DCBLD2: variants seen among roughly 807,000 people sequenced by gnomAD.
DCBLD2 encodes discoidin, CUB and LCCL domain containing 2.
A neutral mutation model predicts 86.8 loss-of-function variants in DCBLD2; 54 were observed. The observed-to-expected ratio is 0.62, with a 90% CI of 0.50 to 0.78. The LOEUF (loss-of-function observed/expected upper bound fraction) is 0.78, where lower values mean the gene tolerates loss of function less well. Ranked by LOEUF, DCBLD2 falls within the 30% of genes least tolerant of loss-of-function variation. The probability of loss-of-function intolerance (pLI) is 0.00; values close to 1 mark genes in which losing one functional copy is unlikely to be tolerated. For missense variants in DCBLD2, 908 were observed against 954.2 expected (o/e 0.95, Z 0.64); for synonymous variants, 354 against 341.3 (o/e 1.04, Z -0.41).
At position 98,825,031 on chromosome 3, in the gene DCBLD2, A is replaced by G. The variant is rs188318226; in HGVS notation, c.623+284T>C. 2.9e-4 allele frequency among the ~76,000 whole-genome samples: 44 copies of G among 152,290 alleles called. 1 individual carries two copies. Among genetic ancestry groups the G allele is most frequent in the East Asian group, 1.4e-3 (7 of 5,180 alleles). ...GATAAATACCTTTTCAACTTTTACT[A>G]GGAGTTTTGCTAGATTTTGAAAAGC... On this transcript the variant is annotated intron_variant, in intron 4 of 15. Transcript: ENST00000326840.
At chr3:98,845,543 T>C (rs1337792296) in intron 3 of DCBLD2, among the ~76,000 whole-genome samples, 3 of 152,172 alleles carry the variant, frequency 2.0e-5, no homozygotes, top group Admixed American at 6.6e-5. Flanking sequence ...TTAACGGGCC[T>C]CTCTACATTT....
intron 2 of DCBLD2, among the ~76,000 whole-genome samples, chr3:98,871,385 GT>G (rs1299583005): frequency 4.6e-5 from 7 of 152,050 alleles, no homozygotes; most frequent in African/African-American, 1.7e-4. Context: ...AATGCTTTCA[GT>G]TTTTCCTCAT....
intron 2 of DCBLD2, among the ~76,000 whole-genome samples, chr3:98,869,027 T>C (rs1275995600): frequency 6.6e-6 from 1 of 152,206 alleles, no homozygotes; most frequent in Non-Finnish European, 1.5e-5. Context: ...GTTAGTTCTT[T>C]GATAAATTTC....
intron 9 of DCBLD2, 44 bp from the exon 10 acceptor site, chr3:98,812,526 G>A: frequency 1.3e-6 from 2 of 1,556,692 alleles, no homozygotes; most frequent in Non-Finnish European, 1.8e-6. Context: ...ATCAATAGAG[G>A]TCAGGGCTAA....
At chr3:98,825,456 A>G in intron 3 of DCBLD2, 90 bp from the exon 4 acceptor site, 2 of 1,026,266 alleles carry the variant, frequency 1.9e-6, no homozygotes, top group Non-Finnish European at 2.8e-6. Context: ...AAACTGTACT[A>G]CTCTAATTTT....
chr3:98,843,884 C>T (rs1366733768), intron 3 of DCBLD2, among the ~76,000 whole-genome samples: 3 of 152,030 alleles, frequency 2.0e-5, no homozygotes, highest in Non-Finnish European at 2.9e-5. Flanking sequence ...CTATTTCTCC[C>T]GTCCAAAATA....
At chr3:98,836,224 T>C (rs1201841850) in intron 3 of DCBLD2, among the ~76,000 whole-genome samples, 1 of 144,518 alleles carries the variant, frequency 6.9e-6, no homozygotes, top group African/African-American at 2.6e-5. Context: ...GGTTCTGCAC[T>C]GCCTGTTGTC....
intron 1 of DCBLD2, 115 bp from the exon 2 acceptor site, chr3:98,881,882 A>T: frequency 2.0e-6 from 2 of 1,008,888 alleles, no homozygotes; most frequent in East Asian, 5.2e-5. Flanking sequence ...TATACCACCC[A>T]TACTTTCTAT....
chr3:98,818,489 C>G (rs142282891), intron 8 of DCBLD2, among the ~76,000 whole-genome samples: 249 of 152,182 alleles, frequency 1.6e-3, no homozygotes, highest in Admixed American at 6.5e-3. Flanking sequence ...AAAGCTATTA[C>G]GAATTAAATA....
At position 98,799,688 on chromosome 3, in the gene DCBLD2, G is replaced by A; in HGVS notation, c.2012C>T (p.Pro671Leu). 3 of 1,613,978 alleles carry A rather than the reference G, an allele frequency of 1.9e-6. No individual in the cohort carries two copies. The highest frequency in any genetic ancestry group is 2.5e-6 in the Non-Finnish European group (3 of 1,179,878). The change falls in exon 16 of 16, where the codon CCA (proline) becomes CTA (leucine). Residue 671 changes from proline to leucine, a missense_variant. By Grantham distance (98) the Pro-to-Leu change is moderately conservative. Transcript: ENST00000326840. ...EVYHAYAEPL[P>L]ITGPEYATPI... ...GGTTGCATACTCAGGCCCCGTAATT[G>A]GGAGTGGTTCAGCATAGGCATGATA...
chr3:98,895,917 A>G (rs1943743526), intron 1 of DCBLD2, among the ~76,000 whole-genome samples: 1 of 152,220 alleles, frequency 6.6e-6, no homozygotes, highest in Non-Finnish European at 1.5e-5. Context: ...TCATACTGAT[A>G]GTTCTTAATG....
intron 1 of DCBLD2, among the ~76,000 whole-genome samples, chr3:98,896,362 G>T (rs993038595): frequency 2.0e-5 from 3 of 152,164 alleles, no homozygotes; most frequent in Admixed American, 6.5e-5. Context: ...CTTTCTCAAA[G>T]ATTTTTCTCC....
intron 3 of DCBLD2, 102 bp downstream of exon 3, chr3:98,849,359 T>A (rs759207529): frequency 4.9e-6 from 7 of 1,433,262 alleles, no homozygotes. Flanking sequence ...TCAGTCTTTC[T>A]GCTCTATTCC....
chr3:98,881,656 T>C lies in DCBLD2; in HGVS notation c.317A>G (p.Lys106Arg). Residue 106 changes from lysine (K) to arginine (R), a missense_variant, in exon 2 of 16, where the codon AAG becomes AGG. Around this residue, in one of 3 missense-constraint regions of DCBLD2, gnomAD observed 294 missense variants for 256.0 expected, o/e 1.15. Transcript: ENST00000326840. ...TTTGATGCGAACTCTCTCTCCCATC[T>C]TTACACGGATCTCCCATTCACAAAC... The part of the protein sequence containing the change: ...STVCEWEIRV[K>R]MGERVRIKFG... 1 of 1,613,962 alleles carries C rather than the reference T, an allele frequency of 6.2e-7. No homozygotes were observed. Among genetic ancestry groups the C allele is most frequent in the Non-Finnish European group, 8.5e-7 (1 of 1,179,866 alleles).
intron 1 of DCBLD2, among the ~76,000 whole-genome samples, chr3:98,896,220 G>A (rs1177882179): frequency 6.6e-6 from 1 of 152,146 alleles, no homozygotes; most frequent in African/African-American, 2.4e-5. Flanking sequence ...TACTGCACTG[G>A]CACTCATTAG....
In DCBLD2 at chr3:98,811,320, CT is replaced by C; in HGVS notation, c.1451-2del. ...GGTTGCGTAAATTTTGGGGCACGAC[CT>C]TTAAAAAAGTTTCAAAAGCTCTTTA... On this transcript the variant is annotated splice_acceptor_variant, in intron 11 of 15. Coordinates refer to ENST00000326840, the MANE Select transcript of DCBLD2 (RefSeq NM_080927.4). LOFTEE classifies it high-confidence loss of function. The C allele has an allele frequency of 6.2e-7, 1 of 1,610,192 alleles. No homozygotes were observed. Among genetic ancestry groups the C allele is most frequent in the South Asian group, 1.1e-5 (1 of 90,258 alleles).
intron 2 of DCBLD2, among the ~76,000 whole-genome samples, chr3:98,872,241 T>C (rs1179361520): frequency 2.0e-5 from 3 of 152,162 alleles, no homozygotes; most frequent in Non-Finnish European, 4.4e-5. Context: ...TGGGAGTTGT[T>C]TGGGTCATGG....
chr3:98,900,066 G>T (rs1269886701), intron 1 of DCBLD2, among the ~76,000 whole-genome samples: 1 of 152,180 alleles, frequency 6.6e-6, no homozygotes, highest in Non-Finnish European at 1.5e-5. Context: ...TAAGGGGTCA[G>T]TTTGCCAAAT....
chr3:98,858,311 A>G (rs1486571417), intron 2 of DCBLD2, among the ~76,000 whole-genome samples: 1 of 152,174 alleles, frequency 6.6e-6, no homozygotes, highest in Non-Finnish European at 1.5e-5. Context: ...CTCTCCCTCC[A>G]CACCTACCCG....
Sources: gnomAD v4.1 joint callset for allele counts (sites outside exome capture counted in the v4.1 genomes callset) on GRCh38, gnomAD v4.1.1 for gene constraint, gnomAD v4.1.1 regional missense constraint, MANE v1.5 for transcripts, NCBI Gene and HGNC (gene_info 2026-07-23, HGNC 2026-07-21) for gene names.